The following CHAT variants were observed in gnomAD, a reference collection of about 807,000 sequenced individuals.
CHAT encodes acetyl CoA:choline O-acetyltransferase.
In CHAT, 61 loss-of-function variants were observed where a neutral mutation model predicts 76.9. That is an observed-to-expected ratio of 0.79 (90% confidence interval 0.65 to 0.98). The LOEUF (loss-of-function observed/expected upper bound fraction) is 0.98, where lower values mean the gene tolerates loss of function less well. Ranked by LOEUF, CHAT falls within the 50% of genes least tolerant of loss-of-function variation. The probability of loss-of-function intolerance (pLI) is 0.00; values close to 1 mark genes in which losing one functional copy is unlikely to be tolerated. For missense variants in CHAT, 946 were observed against 986.9 expected (o/e 0.96, Z 0.56); for synonymous variants, 407 against 397.4 (o/e 1.02, Z -0.29).
At chr10:49,640,969 G>C (rs1245569083) in intron 7 of CHAT, among the ~76,000 whole-genome samples, 9 of 152,216 alleles carry the variant, frequency 5.9e-5, no homozygotes, top group Non-Finnish European at 1.3e-4. Context: ...TTAGTCTGTA[G>C]AGCTGGCATA....
At chr10:49,634,722 T>C (rs1438822709) in intron 7 of CHAT, among the ~76,000 whole-genome samples, 1 of 152,152 alleles carries the variant, frequency 6.6e-6, no homozygotes, top group Non-Finnish European at 1.5e-5. Context: ...TTTGTTTTTG[T>C]TTTTGTTTTT....
intron 10 of CHAT, 70 bp from the exon 11 acceptor site, chr10:49,651,814 C>T: frequency 6.6e-7 from 1 of 1,522,330 alleles, no homozygotes; most frequent in East Asian, 2.4e-5. Flanking sequence ...CTCTAGAAGC[C>T]CGGGGAAACC....
intron 3 of CHAT, 81 bp downstream of exon 3, chr10:49,619,997 T>A: frequency 7.0e-7 from 1 of 1,421,656 alleles, no homozygotes; most frequent in Non-Finnish European, 9.7e-7. Context: ...GAGAGGCAGG[T>A]AGGGGACAAA....
At chr10:49,652,042 G>C in intron 11 of CHAT, 36 bp downstream of exon 11, 1 of 1,613,958 alleles carries the variant, frequency 6.2e-7, no homozygotes, top group East Asian at 2.2e-5. Context: ...ACCCTGGAGG[G>C]CTGACGGACA....
Position 49,614,043 on chromosome 10 carries a change from T to G in CHAT, c.-147T>G. 1.4e-6 allele frequency: 2 copies of G among 1,408,634 alleles called. No individual in the cohort carries two copies. Among genetic ancestry groups the G allele is most frequent in the Non-Finnish European group, 1.9e-6 (2 of 1,034,176 alleles). 87.3% of individuals were successfully genotyped at this position (1,408,634 alleles called of 1,614,324 possible). ...GGGAAGTGCGGTGACTGGGAAATGC[T>G]GAGCTAGGGGCAGGAGGCATGGGCG... On this transcript the variant is annotated 5_prime_UTR_variant, in exon 1 of 15. Transcript: ENST00000337653.
chr10:49,638,836 A>C (rs11101190), intron 7 of CHAT, among the ~76,000 whole-genome samples: 10,659 of 152,256 alleles, frequency 0.07, 525 homozygotes, highest in East Asian at 0.2. Context: ...TTAAAAGGAG[A>C]ATGAAAATGA....
chr10:49,651,689 C>T lies in CHAT; in HGVS notation c.1512-195C>T, dbSNP rs185293725. The T allele has an allele frequency of 6.5e-5, 38 of 585,158 alleles. No individual in the cohort carries two copies. In the Admixed American group the frequency reaches 7.4e-4, roughly 11 times the overall value. The allele number at this position is 585,158 out of a possible 1,614,324, so 36.2% of individuals were successfully genotyped here. A position where few individuals can be genotyped will look rare whatever the true frequency, so the allele number is the denominator to read the frequency against. ...TCACCTTGGGTCATAGTAGTCCTGG[C>T]CTGGTTTGTCTTCTGACACTTTCAT... On this transcript the variant is annotated intron_variant, in intron 10 of 14. Transcript: ENST00000337653.
At chr10:49,643,022 C>T (rs1245696505) in intron 7 of CHAT, among the ~76,000 whole-genome samples, 1 of 152,194 alleles carries the variant, frequency 6.6e-6, no homozygotes, top group Non-Finnish European at 1.5e-5. Flanking sequence ...TGCCTGAGAT[C>T]AAACCCAGCT....
chr10:49,612,135 C>G, upstream of CHAT: 1 of 1,612,106 alleles, frequency 6.2e-7, no homozygotes, highest in Non-Finnish European at 8.5e-7. Context: ...ATGCTCCCGT[C>G]TTGCTGCTGC....
chr10:49,648,517 G>A lies in CHAT; in HGVS notation c.1292G>A (p.Gly431Asp). Residue 431 changes from glycine (G) to aspartate (D), a missense_variant, in exon 9 of 15, where the codon GGC becomes GAC. Physicochemically the swap from Gly to Asp is moderately conservative, Grantham distance 94 (BLOSUM62 -1). Transcript: ENST00000337653. ...TCTTTCCTGTTGCAGTTTGTGGTGG[G>A]CCGAGACGGCACCTGCGGTGTGGTG... The part of the protein sequence containing the change: ...WYDKSLQFVV[G>D]RDGTCGVVCE... 2.5e-6 allele frequency: 4 copies of A among 1,613,704 alleles called. No homozygotes were observed. The highest frequency in any genetic ancestry group is 3.4e-6 in the Non-Finnish European group (4 of 1,179,768).
At chr10:49,652,091 G>A in intron 11 of CHAT, 85 bp downstream of exon 11, 1 of 1,576,896 alleles carries the variant, frequency 6.3e-7, no homozygotes, top group South Asian at 1.1e-5. Flanking sequence ...CATCCTGGAG[G>A]GAGGGACAGC....
rs1426167425 is a variant in CHAT, at chr10:49,625,593, G to T, written c.873G>T (p.Val291=). The T allele has an allele frequency of 6.2e-7, 1 of 1,607,282 alleles. No homozygotes were observed. Among genetic ancestry groups the T allele is most frequent in the Non-Finnish European group, 8.5e-7 (1 of 1,176,688 alleles). Residue 291 remains valine, a synonymous_variant, in exon 6 of 15, where the codon GTG becomes GTT. Coordinates refer to ENST00000337653, the MANE Select transcript of CHAT (RefSeq NM_020549.5). The part of the protein sequence containing the change: ...RLPGHTQDTL[V]AQNSSIMPEP... ...CCGGCCATACCCAGGACACGCTGGT[G>T]GCTCAGAACAGCAGCATCATGCCGG...
At chr10:49,655,327 G>T (rs1439395753) in intron 12 of CHAT, 59 bp from the exon 13 acceptor site, 1 of 1,613,216 alleles carries the variant, frequency 6.2e-7, no homozygotes, top group Non-Finnish European at 8.5e-7. Context: ...CTGACCACCA[G>T]ATGCTTTGGC....
rs777285888 is a variant in CHAT at position 49,655,457 on chromosome 10, C to T, written c.1839+9C>T. 3.0e-5 allele frequency: 49 copies of T among 1,611,572 alleles called. No homozygotes were observed. The highest frequency in any genetic ancestry group is 3.1e-5 in the Non-Finnish European group (37 of 1,177,930). On this transcript the variant is annotated intron_variant, in intron 13 of 14. Coordinates refer to ENST00000337653, the MANE Select transcript of CHAT (RefSeq NM_020549.5). ...CTGCATACACAGTCATGGTGAGTGA[C>T]GTCGCACCACCTCACAACACTGCAC...
chr10:49,623,673 C>T (rs887979414), intron 5 of CHAT, among the ~76,000 whole-genome samples: 30 of 152,174 alleles, frequency 2.0e-4, no homozygotes, highest in Admixed American at 4.6e-4. Flanking sequence ...AGGAGAGCTT[C>T]GCCTCTCCCT....
In CHAT at chr10:49,620,620, C is replaced by A; in HGVS notation, c.698+7C>A. The A allele has an allele frequency of 3.1e-6, 5 of 1,599,188 alleles. No homozygotes were observed. The highest frequency in any genetic ancestry group is 4.3e-6 in the Non-Finnish European group (5 of 1,166,896). ...GCACCGATGACCAGCTGAGGTGAGG[C>A]CTTGGTGCTCCTAGCTCATAACCTG... On this transcript the variant is annotated splice_region_variant and intron_variant, in intron 4 of 14. Coordinates refer to ENST00000337653, the MANE Select transcript of CHAT (RefSeq NM_020549.5).
intron 10 of CHAT, among the ~76,000 whole-genome samples, chr10:49,651,274 T>C (rs547096632): frequency 6.1e-5 from 9 of 148,320 alleles, no homozygotes; most frequent in Middle Eastern, 3.2e-3. Flanking sequence ...CACCGAGAGC[T>C]GAGCTGCTGT....
Position 49,614,262 on chromosome 10 carries a change from A to G in CHAT, c.73A>G (p.Thr25Ala). ...ATGGAAGAGAGAGGAGGGAGGAGGTACAAGAGGAAGGAGAGAAGTGCGGCC... is the reference window on the plus strand; with the variant it reads ...ATGGAAGAGAGAGGAGGGAGGAGGTGCAAGAGGAAGGAGAGAAGTGCGGCC... ...GKWKREEGGG[T>A]RGRREVRPAC... is the part of the protein sequence containing the mutation. Residue 25 changes from threonine to alanine, a missense_variant, in exon 1 of 15, where the codon ACA becomes GCA. Physicochemically the swap from Thr to Ala is moderately conservative, Grantham distance 58 (BLOSUM62 0). Around this residue, in one of 3 missense-constraint regions of CHAT, gnomAD observed 548 missense variants for 516.2 expected, o/e 1.06. Coordinates refer to ENST00000337653, the MANE Select transcript of CHAT (RefSeq NM_020549.5). 6.5e-7 allele frequency: 1 copy of G among 1,547,906 alleles called. No individual in the cohort carries two copies. The highest frequency in any genetic ancestry group is 2.4e-5 in the East Asian group (1 of 40,882).
chr10:49,627,195 T>C (rs555434814), intron 6 of CHAT, among the ~76,000 whole-genome samples: 4 of 152,366 alleles, frequency 2.6e-5, no homozygotes, highest in African/African-American at 9.6e-5. Flanking sequence ...ACATTCCTCG[T>C]GTCTTCCGGT....
Sources: gnomAD v4.1 joint callset for allele counts (sites outside exome capture counted in the v4.1 genomes callset) on GRCh38, gnomAD v4.1.1 for gene constraint, gnomAD v4.1.1 regional missense constraint, MANE v1.5 for transcripts, NCBI Gene and HGNC (gene_info 2026-07-23, HGNC 2026-07-21) for gene names.